Variants in KBTBD12 observed in about 807,000 individuals in gnomAD.
KBTBD12 encodes the protein kelch repeat and BTB domain containing 12, also known as kelch repeat and BTB domain-containing protein 12.
Under a neutral mutation model 58.7 loss-of-function variants are expected in KBTBD12, and 53 were observed. The observed-to-expected ratio is 0.90, with a 90% CI of 0.72 to 1.14. The LOEUF (loss-of-function observed/expected upper bound fraction) is 1.14, where lower values mean the gene tolerates loss of function less well. KBTBD12 is among the 50% of genes most tolerant of loss of function. The pLI is 0.00. For missense variants in KBTBD12, 704 were observed against 751.3 expected (o/e 0.94, Z 0.74); for synonymous variants, 236 against 259.8 (o/e 0.91, Z 0.88).
Position 127,986,453 on chromosome 3 carries a change from G to C in KBTBD12, c.*2175G>C, listed in dbSNP as rs1940967228. ...AGACTCAGTGCTTTAGGGAAGTGGG[G>C]CAGATGTGCATATGGCTTGTGACGG... On this transcript the variant is annotated 3_prime_UTR_variant, in exon 6 of 6. Coordinates refer to ENST00000405109, the MANE Select transcript of KBTBD12 (RefSeq NM_207335.4). 6.6e-6 allele frequency: 1 copy of C among 152,078 alleles called. No individual in the cohort carries two copies. Among genetic ancestry groups the C allele is most frequent in the East Asian group, 1.9e-4 (1 of 5,174 alleles). The allele number at this position is 152,078 out of a possible 1,614,324, so 9.4% of individuals were successfully genotyped here.
intron 4 of KBTBD12, among the ~76,000 whole-genome samples, chr3:127,942,153 A>C (rs1250519344): frequency 1.3e-5 from 2 of 152,216 alleles, no homozygotes; most frequent in African/African-American, 4.8e-5. Flanking sequence ...CAGCAAATAC[A>C]AAAGGTCAAT....
In KBTBD12 at chr3:127,984,465, G is replaced by C; in HGVS notation, c.*187G>C. ...TCTCCCTTCAGGGACTTCCCAGCCT[G>C]ATAGGGTAAATAAGACACTACAAAG... On this transcript the variant is annotated 3_prime_UTR_variant, in exon 6 of 6. Coordinates refer to ENST00000405109, the MANE Select transcript of KBTBD12 (RefSeq NM_207335.4). 1.8e-6 allele frequency: 1 copy of C among 561,892 alleles called. No individual in the cohort carries two copies. The highest frequency in any genetic ancestry group is 3.1e-6 in the Non-Finnish European group (1 of 318,164). 34.8% of individuals were successfully genotyped at this position (561,892 alleles called of 1,614,324 possible).
At chr3:127,920,385 G>A (rs1439905109) in intron 1 of KBTBD12, among the ~76,000 whole-genome samples, 1 of 148,644 alleles carries the variant, frequency 6.7e-6, no homozygotes, top group African/African-American at 2.5e-5. Flanking sequence ...TGTAGATCTA[G>A]TTCATTCTTT....
chr3:127,971,040 A>G (rs1204203947), intron 5 of KBTBD12, among the ~76,000 whole-genome samples: 1 of 152,186 alleles, frequency 6.6e-6, no homozygotes, highest in Non-Finnish European at 1.5e-5. Context: ...ACTAATGAGG[A>G]GAATTAAGCT....
At chr3:127,930,317 C>T in intron 4 of KBTBD12, 34 bp downstream of exon 4, 1 of 1,594,876 alleles carries the variant, frequency 6.3e-7, no homozygotes, top group Non-Finnish European at 8.5e-7. Flanking sequence ...AGTATAACTA[C>T]TTTTATTTTC....
intron 5 of KBTBD12, among the ~76,000 whole-genome samples, chr3:127,976,017 C>G (rs922581299): frequency 6.6e-5 from 10 of 152,124 alleles, no homozygotes; most frequent in Admixed American, 6.5e-4. Context: ...AATATTTTTC[C>G]TAATTTGCAT....
intron 4 of KBTBD12, among the ~76,000 whole-genome samples, chr3:127,931,556 G>T (rs1228035207): frequency 6.6e-6 from 1 of 152,104 alleles, no homozygotes; most frequent in Non-Finnish European, 1.5e-5. Flanking sequence ...GGATAAAAGT[G>T]ATATATCCAT....
intron 4 of KBTBD12, among the ~76,000 whole-genome samples, chr3:127,942,398 T>C (rs1487307370): frequency 6.6e-6 from 1 of 152,106 alleles, no homozygotes; most frequent in East Asian, 1.9e-4. Context: ...ATTCTACATA[T>C]ATTCCAGATA....
intron 5 of KBTBD12, among the ~76,000 whole-genome samples, chr3:127,971,861 A>C (rs533873211): frequency 6.6e-6 from 1 of 151,980 alleles, no homozygotes; most frequent in East Asian, 1.9e-4. Flanking sequence ...AGCCCCTCCA[A>C]ATCTTCCTTC....
intron 4 of KBTBD12, among the ~76,000 whole-genome samples, chr3:127,956,624 C>T (rs1013128151): frequency 6.6e-5 from 10 of 152,140 alleles, no homozygotes; most frequent in Non-Finnish European, 1.5e-4. Context: ...GTGAAAGCCC[C>T]ACAGGACAGT....
At chr3:127,948,838 T>C (rs1308120322) in intron 4 of KBTBD12, among the ~76,000 whole-genome samples, 18 of 152,042 alleles carry the variant, frequency 1.2e-4, no homozygotes, top group Non-Finnish European at 1.5e-5. Flanking sequence ...AATAGCAAAA[T>C]CATCACAAAA....
intron 4 of KBTBD12, among the ~76,000 whole-genome samples, chr3:127,945,454 G>T (rs556513616): frequency 1.1e-3 from 162 of 151,628 alleles, no homozygotes; most frequent in South Asian, 4.2e-3. Context: ...AAAGTGCTGG[G>T]ATTACAGGCA....
intron 4 of KBTBD12, among the ~76,000 whole-genome samples, chr3:127,962,677 T>A (rs1940469097): frequency 6.6e-6 from 1 of 152,206 alleles, no homozygotes; most frequent in South Asian, 2.1e-4. Context: ...GTTTAGGGCC[T>A]TTCCTGAAAT....
chr3:127,937,307 G>C (rs1038171551), intron 4 of KBTBD12, among the ~76,000 whole-genome samples: 5 of 152,090 alleles, frequency 3.3e-5, no homozygotes, highest in Admixed American at 3.3e-4. Flanking sequence ...ATATCACCAG[G>C]AAATAGAAAA....
chr3:127,969,251 G>A (rs952370896), intron 5 of KBTBD12, among the ~76,000 whole-genome samples: 6 of 151,852 alleles, frequency 4.0e-5, no homozygotes, highest in South Asian at 2.1e-4. Flanking sequence ...AAGACCATAC[G>A]CCAAAAAATT....
Position 127,923,472 on chromosome 3 carries a change from T to C in KBTBD12, c.411T>C (p.Tyr137=), listed in dbSNP as rs1021376225. The C allele has an allele frequency of 3.7e-6, 6 of 1,611,030 alleles. No homozygotes were observed. In the African/African-American group the frequency reaches 6.7e-5, roughly 18 times the overall value. Residue 137 remains tyrosine (Y), a synonymous_variant, in exon 2 of 6, where the codon TAT becomes TAC. Coordinates refer to ENST00000405109, the MANE Select transcript of KBTBD12 (RefSeq NM_207335.4). ...HMDASNCLGI[Y]YFAKQIGAED... ...ATGCCTCCAACTGTTTAGGTATCTA[T>C]TATTTTGCAAAGCAGATTGGAGCTG...
At chr3:127,921,690 T>G (rs950761840) in intron 1 of KBTBD12, among the ~76,000 whole-genome samples, 1 of 152,132 alleles carries the variant, frequency 6.6e-6, no homozygotes, top group Non-Finnish European at 1.5e-5. Flanking sequence ...AACAAATACA[T>G]ATAGGCCAGT....
rs1940991785 is a variant in KBTBD12 at position 127,987,595 on chromosome 3, T to C, written c.*3317T>C. 6.6e-6 allele frequency: 1 copy of C among 152,240 alleles called. No homozygotes were observed. The highest frequency in any genetic ancestry group is 6.5e-5 in the Admixed American group (1 of 15,286). 9.4% of individuals were successfully genotyped at this position (152,240 alleles called of 1,614,324 possible). ...CCCCAGTGTGTTCAACACGGTGGCA[T>C]TGTTCTCCCTGACTTCATAATGAGC... is the stretch of plus-strand genomic sequence containing the variant. On this transcript the variant is annotated 3_prime_UTR_variant, in exon 6 of 6. Coordinates refer to ENST00000405109, the MANE Select transcript of KBTBD12 (RefSeq NM_207335.4).
intron 4 of KBTBD12, among the ~76,000 whole-genome samples, chr3:127,940,389 A>G (rs1023957284): frequency 5.9e-5 from 9 of 152,158 alleles, no homozygotes; most frequent in Admixed American, 5.9e-4. Context: ...CATACAAAGT[A>G]TATTCTCTGA....
Sources: allele counts gnomAD v4.1 joint callset (sites outside exome capture counted in the v4.1 genomes callset), GRCh38; gene constraint gnomAD v4.1.1; transcripts MANE v1.5; gene names NCBI Gene and HGNC (gene_info 2026-07-23, HGNC 2026-07-21).